The following DPP4 variants were observed in gnomAD, a reference collection of about 807,000 sequenced individuals.
The protein encoded by DPP4 is dipeptidyl peptidase 4, also known as ADCP-2.
A neutral mutation model predicts 122.4 loss-of-function variants in DPP4; 93 were observed. The observed-to-expected ratio is 0.76, with a 90% CI of 0.64 to 0.90. The LOEUF (loss-of-function observed/expected upper bound fraction) is 0.90. Among genes scored for constraint, DPP4 ranks in the 40% least tolerant of loss-of-function variants. The probability of loss-of-function intolerance (pLI) is 0.00; values close to 1 mark genes in which losing one functional copy is unlikely to be tolerated. For missense variants in DPP4, 914 were observed against 907.3 expected (o/e 1.01, Z -0.09); for synonymous variants, 321 against 302.9 (o/e 1.06, Z -0.62).
chr2:162,041,063 T>G (rs1683967100), intron 5 of DPP4, among the ~76,000 whole-genome samples: 2 of 133,264 alleles, frequency 1.5e-5, no homozygotes, highest in African/African-American at 5.2e-5. Context: ...CATCCCTATA[T>G]ATTTTCAGAG....
chr2:162,019,666 T>C (rs149118707), intron 14 of DPP4, among the ~76,000 whole-genome samples: 5 of 151,966 alleles, frequency 3.3e-5, no homozygotes, highest in Non-Finnish European at 2.9e-5. Flanking sequence ...AGGAGCCCCA[T>C]GTTCCTGAGA....
At chr2:162,025,061 T>A (rs985734561) in intron 10 of DPP4, 122 bp from the exon 11 acceptor site, 160 of 1,089,696 alleles carry the variant, frequency 1.5e-4, no homozygotes, top group Middle Eastern at 2.2e-4. Context: ...AGTAGAATTA[T>A]AAATGGTTAA....
intron 8 of DPP4, among the ~76,000 whole-genome samples, chr2:162,036,653 G>A (rs1559717348): frequency 1.3e-5 from 2 of 152,204 alleles, no homozygotes; most frequent in East Asian, 3.9e-4. Flanking sequence ...GGGTTAAGCA[G>A]CCTATTCTTC....
chr2:162,022,616 C>A (rs1576045669), intron 12 of DPP4, 139 bp downstream of exon 12: 1 of 764,356 alleles, frequency 1.3e-6, no homozygotes, highest in South Asian at 1.7e-5. Flanking sequence ...TTATAGGGAG[C>A]ATTTACATAT....
chr2:162,064,918 G>T (rs1447569938), intron 2 of DPP4, among the ~76,000 whole-genome samples: 2 of 152,210 alleles, frequency 1.3e-5, no homozygotes, highest in African/African-American at 2.4e-5. Flanking sequence ...CTGGCTTGAT[G>T]TCTGTCCTCT....
intron 16 of DPP4, among the ~76,000 whole-genome samples, chr2:162,017,776 C>G (rs1326868159): frequency 2.0e-5 from 3 of 152,176 alleles, no homozygotes; most frequent in Admixed American, 6.5e-5. Context: ...TTTGTGAGCT[C>G]TTTAATTTTA....
intron 2 of DPP4, among the ~76,000 whole-genome samples, chr2:162,050,964 T>A (rs1292111651): frequency 6.6e-6 from 1 of 152,258 alleles, no homozygotes; most frequent in African/African-American, 2.4e-5. Context: ...CATGTTCATT[T>A]GACTTATCAG....
chr2:162,026,471 C>G (rs1043572503), intron 10 of DPP4, among the ~76,000 whole-genome samples: 4 of 152,300 alleles, frequency 2.6e-5, no homozygotes, highest in Middle Eastern at 3.4e-3. Flanking sequence ...CAGGAACACA[C>G]CATGAGTTTC....
At chr2:162,010,423 T>A (rs1682648790) in intron 20 of DPP4, among the ~76,000 whole-genome samples, 1 of 152,236 alleles carries the variant, frequency 6.6e-6, no homozygotes, top group Admixed American at 6.5e-5. Context: ...ATGTACACTT[T>A]TGTGTCCAGC....
intron 10 of DPP4, among the ~76,000 whole-genome samples, chr2:162,027,955 C>A (rs571098344): frequency 6.6e-6 from 1 of 151,858 alleles, no homozygotes; most frequent in Non-Finnish European, 1.5e-5. Context: ...GCAGTTCACC[C>A]GTGGCGCAGA....
intron 2 of DPP4, among the ~76,000 whole-genome samples, chr2:162,072,240 C>G (rs1029959664): frequency 1.3e-5 from 2 of 152,230 alleles, no homozygotes; most frequent in Non-Finnish European, 2.9e-5. Flanking sequence ...TCTTCTCCCA[C>G]AAGGCTTTGC....
At chr2:162,019,931 A>G (rs1366605188) in intron 14 of DPP4, among the ~76,000 whole-genome samples, 6 of 152,196 alleles carry the variant, frequency 3.9e-5, no homozygotes, top group African/African-American at 1.2e-4. Context: ...CTGAAATTTA[A>G]CAAAATGCCC....
At chr2:162,052,515 AT>A (rs1315516100) in intron 2 of DPP4, among the ~76,000 whole-genome samples, 2 of 152,096 alleles carry the variant, frequency 1.3e-5, no homozygotes, top group Non-Finnish European at 2.9e-5. Flanking sequence ...ACTGTGAGAA[AT>A]ACATTTCTGT....
chr2:162,063,326 T>TAG (rs1268634528), intron 2 of DPP4, among the ~76,000 whole-genome samples: 1 of 152,144 alleles, frequency 6.6e-6, no homozygotes, highest in East Asian at 1.9e-4. Flanking sequence ...ATACTGCACC[T>TAG]AGAGCTCAGG....
At chr2:162,049,283 A>AAT (rs1684298637) in intron 2 of DPP4, among the ~76,000 whole-genome samples, 1 of 152,234 alleles carries the variant, frequency 6.6e-6, no homozygotes, top group African/African-American at 2.4e-5. Flanking sequence ...TACACCACGG[A>AAT]ATACTATGCA....
At chr2:162,023,134 G>C (rs1287988474) in intron 11 of DPP4, among the ~76,000 whole-genome samples, 2 of 152,040 alleles carry the variant, frequency 1.3e-5, no homozygotes, top group Non-Finnish European at 2.9e-5. Context: ...ATTCACCCAA[G>C]CCAGAGACCT....
chr2:162,038,601 A>G (rs950204541), intron 7 of DPP4, among the ~76,000 whole-genome samples, 179 bp from the exon 8 acceptor site: 2 of 152,148 alleles, frequency 1.3e-5, no homozygotes, highest in Non-Finnish European at 2.9e-5. Flanking sequence ...TACAGCCTAT[A>G]ATCCCAAAAT....
chr2:161,994,991 C>T lies in DPP4; in HGVS notation c.2169G>A (p.Leu723=), dbSNP rs1700962772. 1.2e-6 allele frequency: 2 copies of T among 1,614,072 alleles called. No individual in the cohort carries two copies. Among genetic ancestry groups the T allele is most frequent in the Non-Finnish European group, 1.7e-6 (2 of 1,179,990 alleles). ...CCTGGAAATCCACTCCAACATCGAC[C>T]AGGGCTTTGGAGATCTGAGCTGACT... The part of the protein sequence containing the change: ...FQQSAQISKA[L]VDVGVDFQAM... Residue 723 remains leucine (L), a synonymous_variant, in exon 25 of 26, where the codon CTG becomes CTA. Transcript: ENST00000360534.
intron 2 of DPP4, among the ~76,000 whole-genome samples, chr2:162,070,532 T>TTTCC (rs1010453790): frequency 2.6e-5 from 4 of 152,108 alleles, no homozygotes; most frequent in African/African-American, 9.7e-5. Flanking sequence ...ATCAAATTCC[T>TTTCC]TTCCTTCCTT....
Sources: allele counts gnomAD v4.1 joint callset (sites outside exome capture counted in the v4.1 genomes callset), GRCh38; gene constraint gnomAD v4.1.1; transcripts MANE v1.5; gene names NCBI Gene and HGNC (gene_info 2026-07-23, HGNC 2026-07-21).